Variants in UNC5D observed in about 807,000 individuals in gnomAD.
UNC5D encodes unc-5 netrin receptor D.
A neutral mutation model predicts 105.4 loss-of-function variants in UNC5D; 39 were observed. The ratio of observed to expected loss-of-function variants is 0.37; its 90% confidence interval spans 0.29 to 0.48. The LOEUF is 0.48. Among genes scored for constraint, UNC5D ranks in the 20% least tolerant of loss-of-function variants. The pLI, the probability that UNC5D is intolerant of heterozygous loss-of-function variation, is 0.98. For synonymous variants in UNC5D, 452 were observed against 450.4 expected, an observed-to-expected ratio of 1.00 and a Z score of -0.04; for missense variants, 991 against 1,202.4, an observed-to-expected ratio of 0.82 and a Z score of 2.60.
chr8:35,512,535 GTATGTATATATA>G lies in UNC5D; in HGVS notation c.104-36753_104-36742del, dbSNP rs1350805954. 1.8e-4 allele frequency among the ~76,000 whole-genome samples: 6 copies of G among 33,430 alleles called. 1 individual carries two copies. Among genetic ancestry groups the G allele is most frequent in the South Asian group, 2.3e-3 (2 of 886 alleles). 21.9% of individuals were successfully genotyped at this position (33,430 alleles called of 152,430 possible). A position where few individuals can be genotyped will look rare whatever the true frequency, so the allele number is the denominator to read the frequency against. ...CTGCATAGATTATATATTCAGATATGTATGTATATATATATATATATATATATATATATATCT... is the reference window on the plus strand; with the variant it reads ...CTGCATAGATTATATATTCAGATATGTATATATATATATATATATATATCT... On this transcript the variant is annotated intron_variant, in intron 1 of 16. Transcript: ENST00000404895.
chr8:35,640,369 C>G (rs1047548092), intron 4 of UNC5D, among the ~76,000 whole-genome samples: 2 of 152,100 alleles, frequency 1.3e-5, no homozygotes. Flanking sequence ...AACAGCCCTT[C>G]AAGAAATCAT....
chr8:35,777,249 G>C (rs1284705758), intron 16 of UNC5D, among the ~76,000 whole-genome samples: 1 of 152,112 alleles, frequency 6.6e-6, no homozygotes, highest in Non-Finnish European at 1.5e-5. Context: ...GCGAGACTCT[G>C]TCTCAACAAA....
In UNC5D at chr8:35,270,260, G is replaced by T. The variant is rs13274515; in HGVS notation, c.103+34373G>T. Among the ~76,000 whole-genome samples the T allele has an allele frequency of 3.6e-3, 551 of 152,244 alleles. 2 individuals are homozygous for T. The highest frequency in any genetic ancestry group is 6.8e-3 in the Middle Eastern group (2 of 294). On this transcript the variant is annotated intron_variant, in intron 1 of 16. Transcript: ENST00000404895. ...GAGTGTGGCCAGGTAAACTCATTAT[G>T]TGGTAAGCAGTCGATTTCTTGGGCT...
At chr8:35,476,341 T>C (rs1178781219) in intron 1 of UNC5D, among the ~76,000 whole-genome samples, 1 of 152,198 alleles carries the variant, frequency 6.6e-6, no homozygotes, top group African/African-American at 2.4e-5. Context: ...AACTAGACAC[T>C]TCCCCTCTTT....
At chr8:35,680,880 A>G (rs909096937) in intron 4 of UNC5D, among the ~76,000 whole-genome samples, 1 of 152,220 alleles carries the variant, frequency 6.6e-6, no homozygotes, top group Non-Finnish European at 1.5e-5. Context: ...AGCGGGGAAC[A>G]TAGGAGAAGT....
chr8:35,600,480 T>C (rs1563576372), intron 4 of UNC5D, among the ~76,000 whole-genome samples: 2 of 152,218 alleles, frequency 1.3e-5, no homozygotes, highest in African/African-American at 4.8e-5. Flanking sequence ...TCCTGACTTT[T>C]TAATGATTGC....
At chr8:35,247,518 C>T (rs561178503) in intron 1 of UNC5D, among the ~76,000 whole-genome samples, 1 of 124,654 alleles carries the variant, frequency 8.0e-6, no homozygotes, top group Admixed American at 1.1e-4. Flanking sequence ...ACTTCTCTCT[C>T]TCTCTATATA....
At chr8:35,450,837 A>G (rs1452103954) in intron 1 of UNC5D, among the ~76,000 whole-genome samples, 1 of 152,148 alleles carries the variant, frequency 6.6e-6, no homozygotes, top group African/African-American at 2.4e-5. Flanking sequence ...AAGATATTCA[A>G]TACTTATAAA....
chr8:35,389,261 T>G (rs1803618542), intron 1 of UNC5D, among the ~76,000 whole-genome samples: 2 of 152,350 alleles, frequency 1.3e-5, no homozygotes, highest in South Asian at 4.1e-4. Flanking sequence ...TCTTGATTTC[T>G]GTTATTTGTG....
At chr8:35,441,923 A>G (rs1353899243) in intron 1 of UNC5D, among the ~76,000 whole-genome samples, 2 of 151,854 alleles carry the variant, frequency 1.3e-5, no homozygotes, top group African/African-American at 4.8e-5. Flanking sequence ...TCTTGTGCCA[A>G]TAGAATTCTG....
intron 4 of UNC5D, among the ~76,000 whole-genome samples, chr8:35,643,656 A>G (rs1042473489): frequency 1.1e-4 from 17 of 152,154 alleles, no homozygotes; most frequent in Admixed American, 1.0e-3. Flanking sequence ...CTGGGATTAC[A>G]GGTGTGAGCC....
intron 4 of UNC5D, among the ~76,000 whole-genome samples, chr8:35,634,999 C>G (rs887833609): frequency 6.6e-6 from 1 of 152,116 alleles, no homozygotes; most frequent in African/African-American, 2.4e-5. Context: ...CTCCTGACCT[C>G]AGGCGATCCA....
intron 1 of UNC5D, among the ~76,000 whole-genome samples, chr8:35,358,928 G>T (rs1801708247): frequency 6.6e-6 from 1 of 152,120 alleles, no homozygotes; most frequent in Non-Finnish European, 1.5e-5. Flanking sequence ...GTTAAGAATT[G>T]GTATATTTAA....
At chr8:35,239,196 G>A (rs1802652268) in intron 1 of UNC5D, among the ~76,000 whole-genome samples, 2 of 152,122 alleles carry the variant, frequency 1.3e-5, no homozygotes, top group African/African-American at 2.4e-5. Context: ...CTCTCCAGAT[G>A]ACCTATCGGT....
chr8:35,698,213 A>G (rs1826924722), intron 7 of UNC5D, among the ~76,000 whole-genome samples: 2 of 151,070 alleles, frequency 1.3e-5, no homozygotes, highest in African/African-American at 2.4e-5. Context: ...GCTAATTAGC[A>G]TATCCATCAC....
intron 1 of UNC5D, among the ~76,000 whole-genome samples, chr8:35,410,308 T>TA (rs1022707991): frequency 8.6e-5 from 13 of 151,698 alleles, no homozygotes; most frequent in South Asian, 8.3e-4. Context: ...CACATTACCT[T>TA]AAAAAAAAGA....
chr8:35,362,099 A>G (rs2128918693), intron 1 of UNC5D, among the ~76,000 whole-genome samples: 1 of 152,268 alleles, frequency 6.6e-6, no homozygotes, highest in East Asian at 1.9e-4. Flanking sequence ...GTTTCTTTTT[A>G]GGAAAATATT....
intron 1 of UNC5D, among the ~76,000 whole-genome samples, chr8:35,444,997 C>T (rs984721299): frequency 2.6e-5 from 4 of 152,010 alleles, no homozygotes; most frequent in Non-Finnish European, 4.4e-5. Flanking sequence ...TAGCATCACC[C>T]TAGCTGTGGA....
intron 1 of UNC5D, among the ~76,000 whole-genome samples, chr8:35,301,419 C>T (rs1248919149): frequency 1.3e-5 from 2 of 152,178 alleles, no homozygotes; most frequent in African/African-American, 4.8e-5. Context: ...AAAACCAATT[C>T]ATCAATCAGG....
Sources: gnomAD v4.1 joint callset for allele counts (sites outside exome capture counted in the v4.1 genomes callset) on GRCh38, gnomAD v4.1.1 for gene constraint, MANE v1.5 for transcripts, NCBI Gene and HGNC (gene_info 2026-07-23, HGNC 2026-07-21) for gene names.